Variants in PCDHA1 observed in about 807,000 individuals in gnomAD.
The protein encoded by PCDHA1 is protocadherin alpha-1.
In PCDHA1, 42 loss-of-function variants were observed where a neutral mutation model predicts 61.3. That is an observed-to-expected ratio of 0.69 (90% confidence interval 0.54 to 0.89). The LOEUF (loss-of-function observed/expected upper bound fraction) is 0.89. Ranked by LOEUF, PCDHA1 falls within the 40% of genes least tolerant of loss-of-function variation. PCDHA1 has a pLI of 0.00. For missense variants in PCDHA1, 1,256 were observed against 1,235.3 expected (o/e 1.02, Z -0.25); for synonymous variants, 610 against 553.8 (o/e 1.10, Z -1.43).
chr5:140,960,597 C>T (rs1315375637), intron 1 of PCDHA1, among the ~76,000 whole-genome samples: 1 of 152,092 alleles, frequency 6.6e-6, no homozygotes, highest in South Asian at 2.1e-4. Context: ...ATTCAAGGTA[C>T]TTCAACAATA....
intron 1 of PCDHA1, chr5:140,875,821 T>C: frequency 6.2e-7 from 1 of 1,614,192 alleles, no homozygotes; most frequent in Non-Finnish European, 8.5e-7. Context: ...GCTGCAGGTT[T>C]TCCATGTGGA....
intron 1 of PCDHA1, among the ~76,000 whole-genome samples, chr5:140,923,134 G>A (rs962370475): frequency 3.9e-5 from 6 of 152,106 alleles, no homozygotes; most frequent in African/African-American, 1.2e-4. Flanking sequence ...CACTTTGAAG[G>A]TGGAATATAA....
chr5:140,807,612 T>G (rs782576297), intron 1 of PCDHA1: 19 of 1,614,012 alleles, frequency 1.2e-5, no homozygotes, highest in Non-Finnish European at 1.6e-5. Context: ...AACCTGTCCA[T>G]CGCGGAATCC....
At chr5:140,877,403 G>C (rs199806507) in intron 1 of PCDHA1, 1 of 1,613,770 alleles carries the variant, frequency 6.2e-7, no homozygotes, top group Non-Finnish European at 8.5e-7. Context: ...GACGCTCCGC[G>C]CCACCGCCTG....
At chr5:140,877,910 T>A in intron 1 of PCDHA1, 2 of 1,431,310 alleles carry the variant, frequency 1.4e-6, no homozygotes, top group African/African-American at 2.9e-5. Flanking sequence ...AACTACATTC[T>A]CTCATTTTTC....
intron 1 of PCDHA1, among the ~76,000 whole-genome samples, chr5:140,960,338 G>A (rs2095541394): frequency 6.6e-6 from 1 of 152,172 alleles, no homozygotes; most frequent in Admixed American, 6.5e-5. Context: ...AGTACATGAG[G>A]TGAGATATGT....
In PCDHA1 at chr5:140,937,571, C is replaced by T. The variant is rs188926211; in HGVS notation, c.2395-41378C>T. 1.3e-4 allele frequency among the ~76,000 whole-genome samples: 20 copies of T among 151,578 alleles called. No homozygotes were observed. The East Asian group carries it at 2.7e-3, about 21-fold the overall frequency. On this transcript the variant is annotated intron_variant, in intron 1 of 3. Coordinates refer to ENST00000504120, the MANE Select transcript of PCDHA1 (RefSeq NM_018900.4). Reference sequence around the variant, plus strand: ...GGCAGAGGTTGCAGTGAGCTGGGATCGCGTCACTGCACTCTAGCCTGGGCA... The same window carrying T: ...GGCAGAGGTTGCAGTGAGCTGGGATTGCGTCACTGCACTCTAGCCTGGGCA...
intron 1 of PCDHA1, chr5:140,802,869 G>A (rs915930472): frequency 6.2e-7 from 1 of 1,613,718 alleles, no homozygotes; most frequent in Non-Finnish European, 8.5e-7. Context: ...CGTGCTGGAC[G>A]AGAACGACAA....
At chr5:140,821,899 A>G (rs1767104322) in intron 1 of PCDHA1, 1 of 1,614,162 alleles carries the variant, frequency 6.2e-7, no homozygotes, top group Non-Finnish European at 8.5e-7. Flanking sequence ...CAAACACGGA[A>G]CCTTCGTTGG....
At chr5:140,926,775 G>A (rs1563083910) in intron 1 of PCDHA1, 7 of 1,391,106 alleles carry the variant, frequency 5.0e-6, no homozygotes, top group East Asian at 2.6e-5. Context: ...GCCCGCAGCA[G>A]TGACGGCCGG....
rs782564746 is a variant in PCDHA1 at position 140,871,379 on chromosome 5, C to T, written c.2394+82695C>T. 2.2e-5 allele frequency: 36 copies of T among 1,614,072 alleles called. No homozygotes were observed. Among genetic ancestry groups the T allele is most frequent in the Non-Finnish European group, 2.8e-5 (33 of 1,180,034 alleles). On this transcript the variant is annotated intron_variant, in intron 1 of 3. Transcript: ENST00000504120. ...CAGCAGAGGCGGCAGAGGGTGTGCT[C>T]TGAGGAGGGCCCACCTAAGACGGAC...
chr5:140,882,357 A>G lies in PCDHA1; in HGVS notation c.2394+93673A>G, dbSNP rs1010659037. On this transcript the variant is annotated intron_variant, in intron 1 of 3. Transcript: ENST00000504120. Reference sequence around the variant, plus strand: ...GCAGCCTGGGAGACGGGTAGTGGCCAGCTCCACTACTCCGTCCCCGAGGAA... The same window carrying G: ...GCAGCCTGGGAGACGGGTAGTGGCCGGCTCCACTACTCCGTCCCCGAGGAA... 22 of 1,614,084 alleles carry G rather than the reference A, an allele frequency of 1.4e-5. No individual in the cohort carries two copies. In the Admixed American group the frequency reaches 2.5e-4, roughly 18 times the overall value.
intron 1 of PCDHA1, among the ~76,000 whole-genome samples, chr5:140,899,726 T>A (rs1406076879): frequency 6.6e-6 from 1 of 152,236 alleles, no homozygotes; most frequent in East Asian, 1.9e-4. Flanking sequence ...CCTCTTTTTC[T>A]ATTGATTGGA....
chr5:140,977,340 G>T (rs2096757114), intron 1 of PCDHA1, among the ~76,000 whole-genome samples: 1 of 152,198 alleles, frequency 6.6e-6, no homozygotes, highest in African/African-American at 2.4e-5. Context: ...GAGAGACGGT[G>T]ATGATGACTG....
chr5:140,850,124 G>C lies in PCDHA1; in HGVS notation c.2394+61440G>C, dbSNP rs1321633502. On this transcript the variant is annotated intron_variant, in intron 1 of 3. Coordinates refer to ENST00000504120, the MANE Select transcript of PCDHA1 (RefSeq NM_018900.4). ...TGAGCGCGCGCGACGCGGGCGTGCCGCCTCTGGGCAGCAACGTGACGCTGC... is the reference window on the plus strand; with the variant it reads ...TGAGCGCGCGCGACGCGGGCGTGCCCCCTCTGGGCAGCAACGTGACGCTGC... The C allele has an allele frequency of 1.9e-6, 3 of 1,595,828 alleles. 1 individual carries two copies. The highest frequency in any genetic ancestry group is 2.7e-5 in the African/African-American group (2 of 74,384).
intron 1 of PCDHA1, among the ~76,000 whole-genome samples, chr5:140,889,644 C>A (rs2062317759): frequency 6.6e-6 from 1 of 151,938 alleles, no homozygotes; most frequent in African/African-American, 2.4e-5. Flanking sequence ...TTTGTGTTTG[C>A]AGGAGATGTC....
At chr5:140,857,196 A>G in intron 1 of PCDHA1, 1 of 1,598,586 alleles carries the variant, frequency 6.3e-7, no homozygotes, top group Non-Finnish European at 8.6e-7. Flanking sequence ...GCCAACGGAC[A>G]GGTCACCTGC....
chr5:140,963,395 C>T (rs544819387), intron 1 of PCDHA1, among the ~76,000 whole-genome samples: 4 of 152,322 alleles, frequency 2.6e-5, no homozygotes, highest in African/African-American at 7.2e-5. Flanking sequence ...AAGCTCCCTA[C>T]TGGATGCTGT....
At chr5:140,828,670 G>A in intron 1 of PCDHA1, 1 of 1,614,164 alleles carries the variant, frequency 6.2e-7, no homozygotes, top group Non-Finnish European at 8.5e-7. Flanking sequence ...AACAAATTGG[G>A]CTCTTATTAA....
Sources: gnomAD v4.1 joint callset for allele counts (sites outside exome capture counted in the v4.1 genomes callset) on GRCh38, gnomAD v4.1.1 for gene constraint, MANE v1.5 for transcripts, NCBI Gene and HGNC (gene_info 2026-07-23, HGNC 2026-07-21) for gene names.